Variants in MRPL13 observed in about 807,000 individuals in gnomAD.
The protein encoded by MRPL13 is mitochondrial ribosomal protein L13.
A neutral mutation model predicts 29.0 loss-of-function variants in MRPL13; 33 were observed. That is an observed-to-expected ratio of 1.14 (90% CI 0.86 to 1.52). The LOEUF (loss-of-function observed/expected upper bound fraction) is 1.52. Among genes scored for constraint, MRPL13 ranks in the 40% most tolerant of loss-of-function variants. The pLI, the probability that MRPL13 is intolerant of heterozygous loss-of-function variation, is 0.00. For missense variants in MRPL13, 227 were observed against 216.7 expected (o/e 1.05, Z -0.30); for synonymous variants, 77 against 68.4 (o/e 1.13, Z -0.62).
At chr8:120,429,541 G>A (rs12543724) in intron 3 of MRPL13, among the ~76,000 whole-genome samples, 80,274 of 150,760 alleles carry the variant, frequency 0.53, 24,536 homozygotes, top group Non-Finnish European at 0.67. Flanking sequence ...ATGTTTATCA[G>A]CCCCTTATAA....
intron 6 of MRPL13, among the ~76,000 whole-genome samples, chr8:120,410,133 C>G (rs1812724082): frequency 6.6e-6 from 1 of 151,978 alleles, no homozygotes; most frequent in Admixed American, 6.6e-5. Flanking sequence ...AATAATAGTT[C>G]AAATTATAAG....
intron 2 of MRPL13, among the ~76,000 whole-genome samples, chr8:120,440,449 T>A (rs1813104647): frequency 6.6e-6 from 1 of 151,872 alleles, no homozygotes; most frequent in African/African-American, 2.4e-5. Context: ...CTACTAAAAA[T>A]ACAAACTTAG....
At position 120,414,036 on chromosome 8, in the gene MRPL13, T is replaced by TCAG; in HGVS notation, c.469_470insCTG (p.Asp156_Glu157insAla). 6.3e-7 allele frequency: 1 copy of TCAG among 1,596,578 alleles called. No individual in the cohort carries two copies. Among genetic ancestry groups the TCAG allele is most frequent in the Admixed American group, 1.7e-5 (1 of 57,282 alleles). On this transcript the variant is annotated inframe_insertion, in exon 6 of 7. Coordinates refer to ENST00000306185, the MANE Select transcript of MRPL13 (RefSeq NM_014078.6). ...GGCGTCTATTTCTTCTTGTGTGTACTCATCTAGACGTTTAGGTATTTTTCG... is the reference window on the plus strand; with the variant it reads ...GGCGTCTATTTCTTCTTGTGTGTACTCAGCATCTAGACGTTTAGGTATTTTTCG...
chr8:120,443,262 AT>A lies in MRPL13; in HGVS notation c.73del (p.Met25CysfsTer13). 6.2e-7 allele frequency: 1 copy of A among 1,608,550 alleles called. No homozygotes were observed. The highest frequency in any genetic ancestry group is 1.1e-5 in the South Asian group (1 of 90,542). ...ARIWYLLDGK[M>X]QPPGKLAAMA... ...AGCAGCAAGTTTGCCAGGTGGCTGCATTTTCCCATCTAAGAGATACCATATT... is the reference window on the plus strand; with the variant it reads ...AGCAGCAAGTTTGCCAGGTGGCTGCATTTCCCATCTAAGAGATACCATATT... On this transcript the variant is annotated frameshift_variant, in exon 2 of 7. Coordinates refer to ENST00000306185, the MANE Select transcript of MRPL13 (RefSeq NM_014078.6). LOFTEE classifies it high-confidence loss of function.
intron 5 of MRPL13, 74 bp downstream of exon 5, chr8:120,419,777 AT>A (rs1478062021): frequency 8.8e-7 from 1 of 1,139,738 alleles, no homozygotes; most frequent in African/African-American, 1.6e-5. Flanking sequence ...AGTCTGTGGC[AT>A]TTATTTAAAA....
chr8:120,402,831 G>C (rs1812615923), intron 6 of MRPL13, among the ~76,000 whole-genome samples: 1 of 152,086 alleles, frequency 6.6e-6, no homozygotes, highest in Admixed American at 6.6e-5. Context: ...AAAGCAGGCA[G>C]GCAAAGGACA....
At chr8:120,436,685 C>A (rs1813058592) in intron 2 of MRPL13, among the ~76,000 whole-genome samples, 1 of 152,224 alleles carries the variant, frequency 6.6e-6, no homozygotes, top group East Asian at 1.9e-4. Flanking sequence ...GTGATTCAGT[C>A]TTAGGCTTCT....
At chr8:120,405,684 A>G (rs180683844) in intron 6 of MRPL13, among the ~76,000 whole-genome samples, 114 of 152,304 alleles carry the variant, frequency 7.5e-4, no homozygotes, top group Non-Finnish European at 3.4e-4. Context: ...CTTTTCTCCC[A>G]AACTGTAGTT....
intron 6 of MRPL13, among the ~76,000 whole-genome samples, chr8:120,412,753 C>A (rs1364629922): frequency 2.0e-5 from 3 of 152,126 alleles, no homozygotes; most frequent in African/African-American, 4.8e-5. Context: ...TTGAACCAGA[C>A]AATGTCCCTG....
At chr8:120,416,171 ATG>A (rs1812799989) in intron 5 of MRPL13, 1 of 152,158 alleles carries the variant, frequency 6.6e-6, no homozygotes, top group South Asian at 2.1e-4. Flanking sequence ...TAACCCATGA[ATG>A]CTAACTAAAT....
At chr8:120,423,906 T>A (rs1196392658) in intron 4 of MRPL13, among the ~76,000 whole-genome samples, 1 of 151,970 alleles carries the variant, frequency 6.6e-6, no homozygotes, top group Non-Finnish European at 1.5e-5. Context: ...AGCTTGTAGA[T>A]TGGGAGGGAG....
chr8:120,396,061 A>T lies in MRPL13; in HGVS notation c.*43T>A. On this transcript the variant is annotated 3_prime_UTR_variant, in exon 7 of 7. Transcript: ENST00000306185. ...AGGTTAGAGAAACTCATCAGAAGAA[A>T]GTTTCAATCACTTCACTGTTATTTT... The T allele has an allele frequency of 6.5e-7, 1 of 1,531,782 alleles. No individual in the cohort carries two copies. Among genetic ancestry groups the T allele is most frequent in the Non-Finnish European group, 8.9e-7 (1 of 1,119,204 alleles). 94.9% of individuals were successfully genotyped at this position (1,531,782 alleles called of 1,614,324 possible).
At chr8:120,418,606 T>A (rs1021127682) in intron 5 of MRPL13, among the ~76,000 whole-genome samples, 2 of 152,064 alleles carry the variant, frequency 1.3e-5, no homozygotes, top group Non-Finnish European at 2.9e-5. Flanking sequence ...AATGAAATAA[T>A]TTCCTATTTA....
At chr8:120,400,741 TAAA>T (rs200517890) in intron 6 of MRPL13, among the ~76,000 whole-genome samples, 2 of 83,180 alleles carry the variant, frequency 2.4e-5, no homozygotes, top group African/African-American at 4.0e-5. Context: ...AATAAATAAA[TAAA>T]AAAAATAGAC....
At chr8:120,430,927 A>G (rs984201067) in intron 3 of MRPL13, among the ~76,000 whole-genome samples, 1 of 152,194 alleles carries the variant, frequency 6.6e-6, no homozygotes, top group Non-Finnish European at 1.5e-5. Flanking sequence ...CTTTTATCAC[A>G]TTATGTTATT....
chr8:120,422,790 A>C (rs1812889199), intron 4 of MRPL13, among the ~76,000 whole-genome samples: 1 of 151,794 alleles, frequency 6.6e-6, no homozygotes, highest in Admixed American at 6.6e-5. Context: ...GTAAGTCTAA[A>C]GTTCAGCTCA....
chr8:120,403,603 C>T (rs1423579285), intron 6 of MRPL13, among the ~76,000 whole-genome samples: 1 of 152,122 alleles, frequency 6.6e-6, no homozygotes, highest in Non-Finnish European at 1.5e-5. Flanking sequence ...CAAACCTGTA[C>T]AACCTGCACG....
intron 6 of MRPL13, among the ~76,000 whole-genome samples, chr8:120,408,028 T>C (rs984641076): frequency 1.7e-4 from 26 of 152,246 alleles, no homozygotes; most frequent in African/African-American, 6.0e-4. Flanking sequence ...ACATCACATA[T>C]TCTTTAAAGA....
rs186710120 is a variant in MRPL13 at position 120,428,962 on chromosome 8, A to G, written c.245+3068T>C. On this transcript the variant is annotated intron_variant, in intron 3 of 6. Transcript: ENST00000306185. ...CGATTCCTCAAAGTCCTACAGACAGAAATACCATTTGACCCAGCAATCCCA... is the reference window on the plus strand; with the variant it reads ...CGATTCCTCAAAGTCCTACAGACAGGAATACCATTTGACCCAGCAATCCCA... 1.1e-4 allele frequency among the ~76,000 whole-genome samples: 17 copies of G among 152,314 alleles called. No homozygotes were observed. In the East Asian group the frequency reaches 3.1e-3, roughly 28 times the overall value.
Sources: gnomAD v4.1 joint callset for allele counts (sites outside exome capture counted in the v4.1 genomes callset) on GRCh38, gnomAD v4.1.1 for gene constraint, MANE v1.5 for transcripts, NCBI Gene and HGNC (gene_info 2026-07-23, HGNC 2026-07-21) for gene names.